The following PLEKHA6 variants were observed in gnomAD, a reference collection of about 807,000 sequenced individuals.
PLEKHA6 encodes pleckstrin homology domain containing A6.
Under a neutral mutation model 116.7 loss-of-function variants are expected in PLEKHA6, and 60 were observed. The ratio of observed to expected loss-of-function variants is 0.51; its 90% CI spans 0.42 to 0.64. The LOEUF is 0.64. PLEKHA6 is among the 30% of genes least tolerant of loss of function. PLEKHA6 has a pLI of 0.00. For synonymous variants in PLEKHA6, 489 were observed against 556.1 expected (o/e 0.88, Z 1.70); for missense variants, 1,338 against 1,422.7 (o/e 0.94, Z 0.96).
chr1:204,280,468 C>A, intron 1 of PLEKHA6: 3 of 984,892 alleles, frequency 3.0e-6, no homozygotes, highest in Non-Finnish European at 3.6e-6. Flanking sequence ...ATCTGCTGTA[C>A]ACCAAGCTGC....
At chr1:204,224,039 C>T (rs1260523999) in intron 21 of PLEKHA6, among the ~76,000 whole-genome samples, 1 of 152,118 alleles carries the variant, frequency 6.6e-6, no homozygotes, top group Admixed American at 6.5e-5. Flanking sequence ...AGTGAAGTGA[C>T]CACCATGTTA....
chr1:204,335,623 G>T (rs527477291), intron 1 of PLEKHA6, among the ~76,000 whole-genome samples: 2 of 152,122 alleles, frequency 1.3e-5, no homozygotes, highest in Non-Finnish European at 2.9e-5. Context: ...AGGACTGGCA[G>T]TGCCAGGGAG....
At chr1:204,308,687 CTT>C (rs60251937) in intron 1 of PLEKHA6, among the ~76,000 whole-genome samples, 4 of 81,404 alleles carry the variant, frequency 4.9e-5, no homozygotes, top group Admixed American at 1.8e-4. Context: ...TTTTCTTTTT[CTT>C]TTTTTTTTTT....
intron 1 of PLEKHA6, chr1:204,282,581 C>T (rs1668739947): frequency 2.2e-6 from 2 of 925,722 alleles, no homozygotes; most frequent in Non-Finnish European, 2.6e-6. Flanking sequence ...AGGCCAGCAT[C>T]CTTTCTGGTT....
intron 3 of PLEKHA6, among the ~76,000 whole-genome samples, 188 bp from the exon 4 acceptor site, chr1:204,268,500 C>T (rs1245172107): frequency 2.6e-5 from 4 of 151,220 alleles, no homozygotes; most frequent in African/African-American, 9.7e-5. Flanking sequence ...AGTTCTTTGG[C>T]AATTTTTCTC....
chr1:204,221,209 C>T lies in PLEKHA6; in HGVS notation c.*1579G>A, dbSNP rs930918981. The T allele has an allele frequency of 6.6e-6, 1 of 152,580 alleles. No individual in the cohort carries two copies. Among genetic ancestry groups the T allele is most frequent in the Non-Finnish European group, 1.5e-5 (1 of 68,032 alleles). 9.5% of individuals were successfully genotyped at this position (152,580 alleles called of 1,614,324 possible). ...CAGTGCCTGGTACATAAAAGGTGCT[C>T]GATAAATATTTGTTGAGTAAATTGT... On this transcript the variant is annotated 3_prime_UTR_variant, in exon 23 of 23. Transcript: ENST00000272203.
At chr1:204,276,749 C>T (rs1668055901) in intron 1 of PLEKHA6, among the ~76,000 whole-genome samples, 3 of 152,054 alleles carry the variant, frequency 2.0e-5, no homozygotes, top group South Asian at 4.2e-4. Flanking sequence ...CTCTCCCAGC[C>T]CCAGACTTTC....
chr1:204,342,344 A>C (rs768157388), intron 1 of PLEKHA6, among the ~76,000 whole-genome samples: 5 of 152,222 alleles, frequency 3.3e-5, no homozygotes, highest in Non-Finnish European at 4.4e-5. Flanking sequence ...AACAAACAAA[A>C]AAACCTTTAT....
Position 204,241,409 on chromosome 1 carries a change from T to C in PLEKHA6, c.2375A>G (p.Asn792Ser). The C allele has an allele frequency of 6.2e-7, 1 of 1,612,004 alleles. No homozygotes were observed. The change falls in exon 17 of 23, where the codon AAT (asparagine) becomes AGT (serine). Residue 792 changes from asparagine (N) to serine (S), a missense_variant. By Grantham distance (46) the Asn-to-Ser change is conservative. Around this residue, in one of 3 missense-constraint regions of PLEKHA6, gnomAD observed 1,136 missense variants for 1,163.6 expected, o/e 0.98. Transcript: ENST00000272203. ...EVTPSAVVRRNASGLTNGLSS... is the reference protein window; with the variant it reads ...EVTPSAVVRRSASGLTNGLSS... ...GAGTCCATTGGTGAGCCCACTGGCA[T>C]TCCTTCTTACCACTGCTGATGGGGT...
chr1:204,224,591 T>C (rs370696442), intron 21 of PLEKHA6, among the ~76,000 whole-genome samples: 2 of 152,184 alleles, frequency 1.3e-5, no homozygotes, highest in Non-Finnish European at 2.9e-5. Flanking sequence ...TACACCTACA[T>C]GTGCATAGAA....
Position 204,259,215 on chromosome 1 carries a change from A to G in PLEKHA6, c.1007+43T>C, listed in dbSNP as rs762583817. ...ATGACCCCACTCGCACGCTCTAGCC[A>G]TAATACCATATCAGCCCCACCCCAG... On this transcript the variant is annotated intron_variant, in intron 8 of 22. Coordinates refer to ENST00000272203, the MANE Select transcript of PLEKHA6 (RefSeq NM_014935.5). The surrounding 1 kb of genome is among the most constrained non-coding windows in gnomAD (Gnocchi z 4.6). 3 of 1,597,116 alleles carry G rather than the reference A, an allele frequency of 1.9e-6. No homozygotes were observed. Among genetic ancestry groups the G allele is most frequent in the East Asian group, 4.5e-5 (2 of 44,756 alleles).
intron 13 of PLEKHA6, 25 bp downstream of exon 13, chr1:204,247,340 C>T (rs4512713): frequency 0.65 from 958,762 of 1,478,182 alleles, 313,252 homozygotes; most frequent in East Asian, 0.83. Context: ...TCCCAATCCC[C>T]GCCAGCTCAG....
In PLEKHA6 at chr1:204,223,124, G is replaced by A. The variant is rs1252125804; in HGVS notation, c.*8+338C>T. ...TCAACAGATGGAAAGCTTGTCAGCA[G>A]ACAGGAGGCACAGGGGTGGGGTGTC... On this transcript the variant is annotated intron_variant, in intron 22 of 22. Coordinates refer to ENST00000272203, the MANE Select transcript of PLEKHA6 (RefSeq NM_014935.5). The surrounding 1 kb of genome is among the most constrained non-coding windows in gnomAD (Gnocchi z 4.8). Among the ~76,000 whole-genome samples the A allele has an allele frequency of 6.6e-6, 1 of 152,178 alleles. No individual in the cohort carries two copies. Among genetic ancestry groups the A allele is most frequent in the Non-Finnish European group, 1.5e-5 (1 of 68,036 alleles).
At chr1:204,265,116 G>C (rs1266930765) in intron 5 of PLEKHA6, 74 bp from the exon 6 acceptor site, 6 of 1,013,458 alleles carry the variant, frequency 5.9e-6, no homozygotes, top group Non-Finnish European at 9.5e-6. Context: ...GGGTGGGGAG[G>C]AGTGTGTTGT....
At chr1:204,242,864 C>T (rs1663030616) in intron 15 of PLEKHA6, among the ~76,000 whole-genome samples, 1 of 152,192 alleles carries the variant, frequency 6.6e-6, no homozygotes, top group South Asian at 2.1e-4. Flanking sequence ...TGCCCATGAG[C>T]CTGGGGTTGG....
intron 1 of PLEKHA6, among the ~76,000 whole-genome samples, chr1:204,345,481 C>T (rs541382680): frequency 1.3e-5 from 2 of 152,236 alleles, no homozygotes; most frequent in East Asian, 3.9e-4. Context: ...TCCACACTCC[C>T]CATCTCTGCT....
In PLEKHA6 at chr1:204,267,512, C is replaced by T; in HGVS notation, c.243G>A (p.Trp81Ter). Residue 81 changes from tryptophan to a stop codon, truncating the protein, a stop_gained, in exon 5 of 23, where the codon TGG becomes TGA. Coordinates refer to ENST00000272203, the MANE Select transcript of PLEKHA6 (RefSeq NM_014935.5). LOFTEE classifies it high-confidence loss of function. ...SSGVKQWNKRWFVLVDRCLFY... is the reference protein window; with the variant it reads ...SSGVKQWNKR ...AGAGGCAGCGATCCACCAGGACGAACCAGCGCTTGTTCCACTGCTTAACCC... is the reference window on the plus strand; with the variant it reads ...AGAGGCAGCGATCCACCAGGACGAATCAGCGCTTGTTCCACTGCTTAACCC... 6.2e-7 allele frequency: 1 copy of T among 1,614,146 alleles called. No individual in the cohort carries two copies. Among genetic ancestry groups the T allele is most frequent in the Non-Finnish European group, 8.5e-7 (1 of 1,180,022 alleles).
Position 204,302,498 on chromosome 1 carries a change from C to G in PLEKHA6, c.-94-27689G>C, listed in dbSNP as rs78710206. Among the ~76,000 whole-genome samples the G allele has an allele frequency of 8.8e-3, 1,343 of 152,308 alleles. 19 individuals carry two copies. Among genetic ancestry groups the G allele is most frequent in the African/African-American group, 0.03 (1,229 of 41,564 alleles). On this transcript the variant is annotated intron_variant, in intron 1 of 22. Transcript: ENST00000272203. Reference sequence around the variant, plus strand: ...GTACTCCCTAATGCTGTGTCCCAAACTTATGCAAAGTTAAGAAAAGATCCT... The same window carrying G: ...GTACTCCCTAATGCTGTGTCCCAAAGTTATGCAAAGTTAAGAAAAGATCCT...
chr1:204,250,558 C>T lies in PLEKHA6; in HGVS notation c.1581G>A (p.Glu527=), dbSNP rs764872844. The T allele has an allele frequency of 6.2e-7, 1 of 1,612,464 alleles. No individual in the cohort carries two copies. Among genetic ancestry groups the T allele is most frequent in the Non-Finnish European group, 8.5e-7 (1 of 1,179,136 alleles). ...GCGCTGCTCTTACATCTGTGTCTTGCTCGTTTAACTTGTAGGTGTGGAGGC... is the reference window on the plus strand; with the variant it reads ...GCGCTGCTCTTACATCTGTGTCTTGTTCGTTTAACTTGTAGGTGTGGAGGC... ...RDSLHTYKLN[E]QDTDKLLGKL... The change falls in exon 10 of 23, where the codon GAG becomes GAA. Residue 527 remains glutamate, a synonymous_variant. Coordinates refer to ENST00000272203, the MANE Select transcript of PLEKHA6 (RefSeq NM_014935.5).
Sources: allele counts gnomAD v4.1 joint callset (sites outside exome capture counted in the v4.1 genomes callset), GRCh38; gene constraint gnomAD v4.1.1; regional missense constraint gnomAD v4.1.1; non-coding constraint Gnocchi (gnomAD v3.1); transcripts MANE v1.5; gene names NCBI Gene and HGNC (gene_info 2026-07-23, HGNC 2026-07-21).